The following LDHC variants were observed in gnomAD, a reference collection of about 807,000 sequenced individuals.
LDHC encodes the protein L-lactate dehydrogenase C chain.
LDHC carries 20 observed loss-of-function variants against 30.2 expected under a neutral mutation model. The observed-to-expected ratio is 0.66, with a 90% CI of 0.47 to 0.96. The LOEUF is 0.96. Ranked by LOEUF, LDHC falls within the 40% of genes least tolerant of loss-of-function variation. The probability of loss-of-function intolerance (pLI) is 0.00; values close to 1 mark genes in which losing one functional copy is unlikely to be tolerated. For missense variants in LDHC, 362 were observed against 394.9 expected (o/e 0.92, Z 0.71); for synonymous variants, 139 against 132.7 (o/e 1.05, Z -0.32).
intron 6 of LDHC, among the ~76,000 whole-genome samples, chr11:18,440,504 G>A (rs1848446029): frequency 6.6e-6 from 1 of 152,124 alleles, no homozygotes. Context: ...CAATGTGTAT[G>A]AGTACAGAGC....
chr11:18,422,417 G>A (rs758754519), intron 3 of LDHC, among the ~76,000 whole-genome samples: 5 of 151,838 alleles, frequency 3.3e-5, no homozygotes, highest in Middle Eastern at 6.8e-3. Flanking sequence ...TTAGCCAGGC[G>A]TAATGGTGCA....
chr11:18,436,481 G>GTTTTT (rs35976847), intron 5 of LDHC, among the ~76,000 whole-genome samples: 28 of 108,190 alleles, frequency 2.6e-4, no homozygotes, highest in Non-Finnish European at 3.5e-4. Flanking sequence ...ATAATACAAA[G>GTTTTT]TTTTTTTTTT....
intron 3 of LDHC, among the ~76,000 whole-genome samples, chr11:18,426,242 A>G (rs1333170085): frequency 6.6e-6 from 1 of 151,478 alleles, no homozygotes; most frequent in Non-Finnish European, 1.5e-5. Context: ...TAAGATATTT[A>G]TGGACCAGGT....
intron 4 of LDHC, among the ~76,000 whole-genome samples, chr11:18,431,903 C>T (rs554765618): frequency 6.6e-6 from 1 of 152,236 alleles, no homozygotes; most frequent in South Asian, 2.1e-4. Context: ...TTTTATTTAG[C>T]TTTTCAAAGA....
chr11:18,434,217 A>ATTT (rs60806253), intron 4 of LDHC, among the ~76,000 whole-genome samples: 1 of 146,120 alleles, frequency 6.8e-6, no homozygotes, highest in African/African-American at 2.5e-5. Flanking sequence ...TTCTTGTATC[A>ATTT]TTTTTTTTTT....
chr11:18,443,302 C>G (rs996263027), intron 6 of LDHC, among the ~76,000 whole-genome samples: 19 of 152,090 alleles, frequency 1.2e-4, no homozygotes, highest in Non-Finnish European at 2.1e-4. Context: ...CATCCATACC[C>G]CCCACCCACT....
intron 4 of LDHC, among the ~76,000 whole-genome samples, chr11:18,431,315 C>T (rs1203750942): frequency 6.6e-6 from 1 of 151,536 alleles, no homozygotes; most frequent in East Asian, 2.0e-4. Context: ...ACAAAATTAG[C>T]CGGGTGTGTG....
intron 3 of LDHC, among the ~76,000 whole-genome samples, chr11:18,423,084 C>T (rs997193324): frequency 6.6e-6 from 1 of 151,046 alleles, no homozygotes; most frequent in Non-Finnish European, 1.5e-5. Context: ...CAGCACTTTG[C>T]GAGGCCGAGT....
chr11:18,425,706 G>A (rs2134054455), intron 3 of LDHC, among the ~76,000 whole-genome samples: 1 of 152,128 alleles, frequency 6.6e-6, no homozygotes, highest in African/African-American at 2.4e-5. Context: ...TTGGGAGGCT[G>A]AGGTGGGTGG....
intron 4 of LDHC, among the ~76,000 whole-genome samples, chr11:18,434,492 TG>T (rs1271800586): frequency 6.6e-6 from 1 of 152,124 alleles, no homozygotes. Context: ...TTGTATTTGT[TG>T]GTAGAGACAG....
intron 3 of LDHC, among the ~76,000 whole-genome samples, chr11:18,427,901 T>C (rs1213681995): frequency 6.6e-6 from 1 of 152,072 alleles, no homozygotes; most frequent in Non-Finnish European, 1.5e-5. Context: ...GGTCTTGAAC[T>C]CCTGACCTCA....
chr11:18,438,445 T>G, intron 5 of LDHC, 83 bp from the exon 6 acceptor site: 1 of 848,618 alleles, frequency 1.2e-6, no homozygotes, highest in Non-Finnish European at 2.0e-6. Context: ...AGGTGGCAAC[T>G]TAACTTAAAA....
chr11:18,425,832 C>T (rs995194194), intron 3 of LDHC, among the ~76,000 whole-genome samples: 1 of 151,478 alleles, frequency 6.6e-6, no homozygotes, highest in African/African-American at 2.4e-5. Context: ...CCCAGCTACT[C>T]AGGAGGGCTG....
intron 3 of LDHC, among the ~76,000 whole-genome samples, chr11:18,419,621 G>T (rs752813960): frequency 9.9e-5 from 15 of 152,014 alleles, no homozygotes; most frequent in Non-Finnish European, 2.1e-4. Context: ...AAAGGCATGA[G>T]CAAGAACCAG....
intron 2 of LDHC, among the ~76,000 whole-genome samples, 180 bp downstream of exon 2, chr11:18,413,023 T>C (rs899560970): frequency 7.0e-6 from 1 of 142,014 alleles, no homozygotes; most frequent in Non-Finnish European, 1.5e-5. Flanking sequence ...CTTTCTCTCT[T>C]TCTTTTCCTT....
intron 3 of LDHC, among the ~76,000 whole-genome samples, chr11:18,427,918 C>T (rs181581338): frequency 6.6e-6 from 1 of 152,032 alleles, no homozygotes; most frequent in African/African-American, 2.4e-5. Context: ...CTCAAGTGTT[C>T]CACCCATCTC....
chr11:18,430,571 A>G (rs73438631), intron 4 of LDHC, among the ~76,000 whole-genome samples: 22,710 of 152,106 alleles, frequency 0.15, 1,876 homozygotes, highest in African/African-American at 0.21. Flanking sequence ...TATTTTGTCC[A>G]GTCTGGTCCG....
intron 3 of LDHC, among the ~76,000 whole-genome samples, chr11:18,415,646 G>T (rs1867004644): frequency 1.3e-5 from 2 of 151,906 alleles, no homozygotes; most frequent in South Asian, 4.2e-4. Context: ...TGGCCAGGCT[G>T]GTCTCGAACT....
intron 2 of LDHC, among the ~76,000 whole-genome samples, chr11:18,414,073 A>G (rs1279943102): frequency 6.6e-6 from 1 of 152,194 alleles, no homozygotes; most frequent in South Asian, 2.1e-4. Flanking sequence ...ATGGCTGTAC[A>G]GTTTGTTCTT....
Sources: gnomAD v4.1 joint callset for allele counts (sites outside exome capture counted in the v4.1 genomes callset) on GRCh38, gnomAD v4.1.1 for gene constraint, MANE v1.5 for transcripts, NCBI Gene and HGNC (gene_info 2026-07-23, HGNC 2026-07-21) for gene names.